SH3BP4: variants seen among roughly 807,000 people sequenced by gnomAD.
SH3BP4 encodes the protein SH3 domain binding protein 4, also known as SH3 domain-binding protein 4.
Under a neutral mutation model 65.5 loss-of-function variants are expected in SH3BP4, and 33 were observed. The observed-to-expected ratio is 0.50, with a 90% CI of 0.38 to 0.67. The LOEUF (loss-of-function observed/expected upper bound fraction) is 0.67, where lower values mean the gene tolerates loss of function less well. Among genes scored for constraint, SH3BP4 ranks in the 30% least tolerant of loss-of-function variants. The pLI, the probability that SH3BP4 is intolerant of heterozygous loss-of-function variation, is 0.00. For synonymous variants in SH3BP4, 552 were observed against 545.5 expected (o/e 1.01, Z -0.17); for missense variants, 1,134 against 1,261.4 (o/e 0.90, Z 1.53).
intron 2 of SH3BP4, among the ~76,000 whole-genome samples, chr2:235,001,276 C>T (rs1009524980): frequency 3.3e-5 from 5 of 152,128 alleles, no homozygotes; most frequent in African/African-American, 1.2e-4. Context: ...CTAAACTTTA[C>T]GGGTGGAGGT....
chr2:235,027,376 A>G (rs1695035455), intron 2 of SH3BP4, among the ~76,000 whole-genome samples: 1 of 150,884 alleles, frequency 6.6e-6, no homozygotes, highest in African/African-American at 2.5e-5. Flanking sequence ...TCTCCACTAT[A>G]GCAACGGGGT....
Position 235,041,629 on chromosome 2 carries a change from G to C in SH3BP4, c.860G>C (p.Trp287Ser). 1 of 1,614,020 alleles carries C rather than the reference G, an allele frequency of 6.2e-7. No individual in the cohort carries two copies. The highest frequency in any genetic ancestry group is 8.5e-7 in the Non-Finnish European group (1 of 1,180,028). The change falls in exon 4 of 6, where the codon TGG (tryptophan) becomes TCG (serine). Residue 287 changes from tryptophan to serine, a missense_variant. Trp to Ser is a radical substitution (Grantham distance 177). Transcript: ENST00000392011. The surrounding 1 kb of genome is among the most constrained non-coding windows in gnomAD (Gnocchi z 6.0). ...AGCCGGGAGGATTTTCGAACTGCCT[G>C]GCTAAACCACAGGAAGCTGGCCCGG... ...FQSREDFRTA[W>S]LNHRKLARSC...
rs1559254223 is a variant in SH3BP4 at position 235,038,296 on chromosome 2, A to AG, written c.119-2592_119-2591insG. On this transcript the variant is annotated intron_variant, in intron 3 of 5. Coordinates refer to ENST00000392011, the MANE Select transcript of SH3BP4 (RefSeq NM_014521.3). ...ATAATATATATTATATATAATATAT[A>AG]TATTATATATATATATTATATATTA... Among the ~76,000 whole-genome samples, 53 of 13,128 alleles carry AG rather than the reference A, an allele frequency of 4.0e-3. 2 individuals carry two copies. The highest frequency in any genetic ancestry group is 0.031 in the African/African-American group (40 of 1,306). The allele number at this position is 13,128 out of a possible 152,430, so 8.6% of individuals were successfully genotyped here.
chr2:234,964,067 C>T (rs1386607625), intron 1 of SH3BP4, among the ~76,000 whole-genome samples: 1 of 152,212 alleles, frequency 6.6e-6, no homozygotes, highest in Admixed American at 6.5e-5. Context: ...TGGCTGCCTC[C>T]TCAGGTCTTG....
intron 2 of SH3BP4, among the ~76,000 whole-genome samples, chr2:235,017,969 C>A (rs575208261): frequency 1.3e-5 from 2 of 152,128 alleles, no homozygotes; most frequent in African/African-American, 4.8e-5. Context: ...CTATCAACAC[C>A]ACCTACATAA....
intron 1 of SH3BP4, among the ~76,000 whole-genome samples, chr2:234,964,884 C>A (rs1217652690): frequency 6.6e-6 from 1 of 152,050 alleles, no homozygotes; most frequent in Non-Finnish European, 1.5e-5. Context: ...CAGGGGGTGA[C>A]CCATCCATCA....
rs1457496504 is a variant in SH3BP4, at chr2:234,991,937, A to G, written c.-206-3366A>G. On this transcript the variant is annotated intron_variant, in intron 1 of 5. Coordinates refer to ENST00000392011, the MANE Select transcript of SH3BP4 (RefSeq NM_014521.3). The surrounding 1 kb of genome is among the most constrained non-coding windows in gnomAD (Gnocchi z 4.2). ...CCTGTCAGGGCAGCTGGGTCCCCCCATACTTAGGCATGAGGTATGAGTTTA... is the reference window on the plus strand; with the variant it reads ...CCTGTCAGGGCAGCTGGGTCCCCCCGTACTTAGGCATGAGGTATGAGTTTA... Among the ~76,000 whole-genome samples, 1 of 152,192 alleles carries G rather than the reference A, an allele frequency of 6.6e-6. No individual in the cohort carries two copies. Among genetic ancestry groups the G allele is most frequent in the African/African-American group, 2.4e-5 (1 of 41,446 alleles).
intron 3 of SH3BP4, among the ~76,000 whole-genome samples, chr2:235,037,006 T>TC (rs1372462406): frequency 1.3e-5 from 2 of 152,010 alleles, no homozygotes; most frequent in East Asian, 3.9e-4. Context: ...TTCACGCACA[T>TC]CCCAGTGATA....
Position 234,989,207 on chromosome 2 carries a change from C to T in SH3BP4, c.-206-6096C>T, listed in dbSNP as rs536749630. ...AGTCTCTGTGTAGTCTTGGACGTGC[C>T]GTGCATGAGGACTGATTGTGCGAAC... is the stretch of plus-strand genomic sequence containing the variant. On this transcript the variant is annotated intron_variant, in intron 1 of 5. Transcript: ENST00000392011. Among the ~76,000 whole-genome samples the T allele has an allele frequency of 4.0e-5, 6 of 151,020 alleles. No homozygotes were observed. In the East Asian group the frequency reaches 7.9e-4, roughly 20 times the overall value.
At chr2:234,975,171 T>G (rs149750419) in intron 1 of SH3BP4, among the ~76,000 whole-genome samples, 154 of 151,866 alleles carry the variant, frequency 1.0e-3, no homozygotes, top group African/African-American at 3.5e-3. Flanking sequence ...TGTGGTTGGT[T>G]GCATTGTTAT....
chr2:235,038,393 A>ATG (rs1559254808), intron 3 of SH3BP4, among the ~76,000 whole-genome samples: 1 of 20,604 alleles, frequency 4.9e-5, no homozygotes, highest in African/African-American at 1.8e-4. Context: ...ATATATATAT[A>ATG]TATATATATA....
intron 1 of SH3BP4, among the ~76,000 whole-genome samples, chr2:234,959,921 G>A (rs1175709834): frequency 6.6e-6 from 1 of 152,026 alleles, no homozygotes; most frequent in Non-Finnish European, 1.5e-5. Flanking sequence ...CAAAGTGCTG[G>A]GATTACAGGC....
In SH3BP4 at chr2:234,976,969, T is replaced by C. The variant is rs1693185876; in HGVS notation, c.-206-18334T>C. Among the ~76,000 whole-genome samples the C allele has an allele frequency of 6.6e-6, 1 of 152,196 alleles. No individual in the cohort carries two copies. Among genetic ancestry groups the C allele is most frequent in the African/African-American group, 2.4e-5 (1 of 41,458 alleles). On this transcript the variant is annotated intron_variant, in intron 1 of 5. Transcript: ENST00000392011. The surrounding 1 kb of genome is among the most constrained non-coding windows in gnomAD (Gnocchi z 4.7). ...AGACCCGGATGAAGGACAGGCTTTA[T>C]TGTTTGATGATAGTGCACCGACATC...
At position 235,054,711 on chromosome 2, in the gene SH3BP4, C is replaced by T. The variant is rs1485558591; in HGVS notation, c.*895C>T. On this transcript the variant is annotated 3_prime_UTR_variant, in exon 6 of 6. Transcript: ENST00000392011. ...TTTCCTTGAGGTCAAAGCAGTGCTTCCCATAGAGTTTGCTGCCTCTTCTGT... is the reference window on the plus strand; with the variant it reads ...TTTCCTTGAGGTCAAAGCAGTGCTTTCCATAGAGTTTGCTGCCTCTTCTGT... The T allele has an allele frequency of 6.6e-6, 1 of 152,204 alleles. No homozygotes were observed. Among genetic ancestry groups the T allele is most frequent in the African/African-American group, 2.4e-5 (1 of 41,450 alleles). 9.4% of individuals were successfully genotyped at this position (152,204 alleles called of 1,614,324 possible).
At position 235,046,044 on chromosome 2, in the gene SH3BP4, T is replaced by C. The variant is rs1695847913; in HGVS notation, c.2478+2797T>C. Among the ~76,000 whole-genome samples the C allele has an allele frequency of 1.3e-5, 2 of 152,052 alleles. No homozygotes were observed. Among genetic ancestry groups the C allele is most frequent in the Non-Finnish European group, 2.9e-5 (2 of 67,986 alleles). ...GTCGTGTAAGATCTGGCCCTACCCA[T>C]CCCAACCCTGGGGGCCACTGTGCTC... is the stretch of plus-strand genomic sequence containing the variant. On this transcript the variant is annotated intron_variant, in intron 4 of 5. Transcript: ENST00000392011. The surrounding 1 kb of genome is among the most constrained non-coding windows in gnomAD (Gnocchi z 4.2).
chr2:235,052,805 G>A lies in SH3BP4; in HGVS notation c.2667+55G>A, dbSNP rs1040243922. The A allele has an allele frequency of 2.7e-6, 4 of 1,483,322 alleles. No homozygotes were observed. The highest frequency in any genetic ancestry group is 2.1e-5 in the Admixed American group (1 of 46,860). 91.9% of individuals were successfully genotyped at this position (1,483,322 alleles called of 1,614,324 possible). On this transcript the variant is annotated intron_variant, in intron 5 of 5. Coordinates refer to ENST00000392011, the MANE Select transcript of SH3BP4 (RefSeq NM_014521.3). The surrounding 1 kb of genome is among the most constrained non-coding windows in gnomAD (Gnocchi z 5.0). ...GAGCCCCTCTGTCCCTGGGTTCCGT[G>A]GACCCATGCAGTGCAGCCATAAAAA...
chr2:234,961,221 T>G (rs1435716015), intron 1 of SH3BP4, among the ~76,000 whole-genome samples: 1 of 152,242 alleles, frequency 6.6e-6, no homozygotes, highest in East Asian at 1.9e-4. Flanking sequence ...TCAATGCCAC[T>G]GTACTGCTAG....
intron 1 of SH3BP4, among the ~76,000 whole-genome samples, chr2:234,968,041 C>G (rs1017049550): frequency 1.3e-5 from 2 of 152,158 alleles, no homozygotes; most frequent in East Asian, 3.9e-4. Context: ...CGACCACACC[C>G]AGGTCCACCT....
rs1231830053 is a variant in SH3BP4, at chr2:235,030,545, A to C, written c.-132-4326A>C. ...CACGTCTGTTGTTAGATGCCGTTAG[A>C]ATCCATCGGGGGAAGTGGGTGATCC... On this transcript the variant is annotated intron_variant, in intron 2 of 5. Coordinates refer to ENST00000392011, the MANE Select transcript of SH3BP4 (RefSeq NM_014521.3). This position sits in a 1 kb window ranked among gnomAD's most constrained non-coding sequence, Gnocchi z 4.1. 6.6e-6 allele frequency among the ~76,000 whole-genome samples: 1 copy of C among 152,020 alleles called. No homozygotes were observed. The highest frequency in any genetic ancestry group is 1.9e-4 in the East Asian group (1 of 5,152).
Sources: allele counts gnomAD v4.1 joint callset (sites outside exome capture counted in the v4.1 genomes callset), GRCh38; gene constraint gnomAD v4.1.1; non-coding constraint Gnocchi (gnomAD v3.1); transcripts MANE v1.5; gene names NCBI Gene and HGNC (gene_info 2026-07-23, HGNC 2026-07-21).